PCDHGA4: variants seen among roughly 807,000 people sequenced by gnomAD.
PCDHGA4 encodes protocadherin gamma subfamily A, 4.
Under a neutral mutation model 54.6 loss-of-function variants are expected in PCDHGA4, and 38 were observed. The ratio of observed to expected loss-of-function variants is 0.70; its 90% CI spans 0.54 to 0.91. The LOEUF (loss-of-function observed/expected upper bound fraction) is 0.91, where lower values mean the gene tolerates loss of function less well. Ranked by LOEUF, PCDHGA4 falls within the 40% of genes least tolerant of loss-of-function variation. The pLI, the probability that PCDHGA4 is intolerant of heterozygous loss-of-function variation, is 0.00. For missense variants in PCDHGA4, 1,298 were observed against 1,220.9 expected, an observed-to-expected ratio of 1.06 and a Z score of -0.94; for synonymous variants, 511 against 512.9, an observed-to-expected ratio of 1.00 and a Z score of 0.05.
chr5:141,501,945 T>G (rs1318749969), intron 2 of PCDHGA4, among the ~76,000 whole-genome samples: 5 of 152,106 alleles, frequency 3.3e-5, no homozygotes, highest in African/African-American at 1.2e-4. Context: ...CACTGCTCCC[T>G]GTGACAGGTC....
rs1389286417 is a variant in PCDHGA4 at position 141,432,046 on chromosome 5, C to T, written c.2515-62761C>T. ...CAGTGACCGCCACTGACCGGGGAAC[C>T]CCGCCCCTATCCACGGAAACTCATA... On this transcript the variant is annotated intron_variant, in intron 1 of 3. Transcript: ENST00000571252. This position sits in a 1 kb window ranked among gnomAD's most constrained non-coding sequence, Gnocchi z 6.0. 3.1e-6 allele frequency: 5 copies of T among 1,614,224 alleles called. No homozygotes were observed. The highest frequency in any genetic ancestry group is 2.2e-5 in the East Asian group (1 of 44,886).
rs778770720 is a variant in PCDHGA4 at position 141,375,689 on chromosome 5, G to C, written c.2514+18068G>C. On this transcript the variant is annotated intron_variant, in intron 1 of 3. Coordinates refer to ENST00000571252, the MANE Select transcript of PCDHGA4 (RefSeq NM_018917.4). ...CCTACAGCTGTGGGTGACAGCCAGC[G>C]ACAGCGGGGACCCGCCTCTTAGCAG... 4 of 1,614,250 alleles carry C rather than the reference G, an allele frequency of 2.5e-6. No individual in the cohort carries two copies. In the Admixed American group the frequency reaches 6.7e-5, roughly 27 times the overall value.
At chr5:141,408,969 C>G (rs1005367761) in intron 1 of PCDHGA4, 1 of 1,613,594 alleles carries the variant, frequency 6.2e-7, no homozygotes, top group African/African-American at 1.3e-5. Flanking sequence ...GAAAATCTGC[C>G]CCCTGGGTCC....
chr5:141,410,101 C>T, intron 1 of PCDHGA4: 1 of 1,612,490 alleles, frequency 6.2e-7, no homozygotes, highest in African/African-American at 1.3e-5. Flanking sequence ...GAGCCTTAGG[C>T]GACAGGGACG....
chr5:141,370,396 T>C (rs767513658), intron 1 of PCDHGA4: 3 of 1,548,714 alleles, frequency 1.9e-6, no homozygotes, highest in Non-Finnish European at 2.6e-6. Context: ...GAGAGCGGGA[T>C]GGGAAATAGC....
intron 1 of PCDHGA4, among the ~76,000 whole-genome samples, chr5:141,443,122 A>C (rs1239492679): frequency 6.6e-6 from 1 of 152,138 alleles, no homozygotes; most frequent in East Asian, 1.9e-4. Flanking sequence ...TTCAAACCAG[A>C]TTAAGAACAC....
chr5:141,393,959 T>G, intron 1 of PCDHGA4: 1 of 1,613,970 alleles, frequency 6.2e-7, no homozygotes, highest in Non-Finnish European at 8.5e-7. Flanking sequence ...ATGGTCAAGT[T>G]GTCTGTTACA....
chr5:141,373,902 T>G (rs973881316), intron 1 of PCDHGA4: 8 of 577,832 alleles, frequency 1.4e-5, no homozygotes, highest in Admixed American at 3.7e-5. Context: ...AGTTACATCC[T>G]CCAACAACAA....
chr5:141,454,880 T>C (rs1561957456), intron 1 of PCDHGA4, among the ~76,000 whole-genome samples: 1 of 137,862 alleles, frequency 7.3e-6, no homozygotes, highest in Non-Finnish European at 1.5e-5. Flanking sequence ...CGATCTTGGC[T>C]CACTGCTAGC....
intron 1 of PCDHGA4, chr5:141,394,825 T>G: frequency 6.2e-7 from 1 of 1,613,802 alleles, no homozygotes; most frequent in Non-Finnish European, 8.5e-7. Flanking sequence ...ATCCCCGAAG[T>G]CCTGACCGAG....
intron 1 of PCDHGA4, chr5:141,390,568 C>T: frequency 2.4e-6 from 1 of 414,986 alleles, no homozygotes; most frequent in Non-Finnish European, 4.3e-6. Context: ...GTTGTTGGCT[C>T]TCTCCTAAAA....
intron 2 of PCDHGA4, among the ~76,000 whole-genome samples, chr5:141,500,431 G>A (rs1340129330): frequency 6.6e-6 from 1 of 151,476 alleles, no homozygotes; most frequent in Non-Finnish European, 1.5e-5. Flanking sequence ...GGATGGTCTC[G>A]ATCTCCTGAC....
chr5:141,428,858 GACT>G (rs1348026268), intron 1 of PCDHGA4: 1 of 139,194 alleles, frequency 7.2e-6, no homozygotes, highest in African/African-American at 3.0e-5. Flanking sequence ...TTTTACGGGA[GACT>G]TTTTTTTTTT....
chr5:141,431,351 C>A lies in PCDHGA4; in HGVS notation c.2515-63456C>A. On this transcript the variant is annotated intron_variant, in intron 1 of 3. Coordinates refer to ENST00000571252, the MANE Select transcript of PCDHGA4 (RefSeq NM_018917.4). The surrounding 1 kb of genome is among the most constrained non-coding windows in gnomAD (Gnocchi z 4.8). ...TAAGTACCCCGAATTGGTGCTGAAA[C>A]GCGCCCTGGACCGCGAAGAAAAGGC... The A allele has an allele frequency of 6.2e-7, 1 of 1,614,064 alleles. No individual in the cohort carries two copies. The highest frequency in any genetic ancestry group is 8.5e-7 in the Non-Finnish European group (1 of 1,180,042).
intron 1 of PCDHGA4, chr5:141,375,175 A>C (rs1771211157): frequency 6.2e-7 from 1 of 1,614,024 alleles, no homozygotes; most frequent in Non-Finnish European, 8.5e-7. Flanking sequence ...CTCCAGGAAC[A>C]GTAATCGCCC....
chr5:141,364,793 C>T, intron 1 of PCDHGA4: 1 of 1,614,028 alleles, frequency 6.2e-7, no homozygotes. Context: ...GTTAGTGCTT[C>T]CCTTCGCGCG....
chr5:141,432,692 G>A lies in PCDHGA4; in HGVS notation c.2515-62115G>A. The A allele has an allele frequency of 6.2e-7, 1 of 1,613,964 alleles. No homozygotes were observed. Among genetic ancestry groups the A allele is most frequent in the Non-Finnish European group, 8.5e-7 (1 of 1,179,978 alleles). On this transcript the variant is annotated intron_variant, in intron 1 of 3. Transcript: ENST00000571252. The surrounding 1 kb of genome is among the most constrained non-coding windows in gnomAD (Gnocchi z 6.0). ...CGCGCTCAAGCAGAGCCTCGTAGTG[G>A]CCGTCCAGGACCACGGCCAGCCCCC...
chr5:141,413,660 T>C (rs747874019), intron 1 of PCDHGA4: 5 of 1,613,752 alleles, frequency 3.1e-6, no homozygotes, highest in Non-Finnish European at 4.2e-6. Flanking sequence ...CCGGAAGCTA[T>C]TGATCCGGAT....
intron 1 of PCDHGA4, chr5:141,414,538 A>C: frequency 1.2e-6 from 2 of 1,613,882 alleles, no homozygotes; most frequent in Non-Finnish European, 1.7e-6. Flanking sequence ...CAACCCACCT[A>C]CCTTCTCTCA....
Sources: allele counts gnomAD v4.1 joint callset (sites outside exome capture counted in the v4.1 genomes callset), GRCh38; gene constraint gnomAD v4.1.1; non-coding constraint Gnocchi (gnomAD v3.1); transcripts MANE v1.5; gene names NCBI Gene and HGNC (gene_info 2026-07-23, HGNC 2026-07-21).